The following RP1L1 variants were observed in gnomAD, a reference collection of about 807,000 sequenced individuals.
The protein encoded by RP1L1 is RP1 like 1.
A neutral mutation model predicts 15.7 loss-of-function variants in RP1L1; 27 were observed. The observed-to-expected ratio is 1.72, with a 90% CI of 1.27 to 2.38. The LOEUF is 2.38. RP1L1 is among the 30% of genes most tolerant of loss of function. The pLI is 0.00. For missense variants in RP1L1, 4,798 were observed against 3,075.9 expected, an observed-to-expected ratio of 1.56 and a Z score of -13.24; for synonymous variants, 1,813 against 1,276.7, an observed-to-expected ratio of 1.42 and a Z score of -8.96.
Position 10,623,534 on chromosome 8 carries a change from A to ATG in RP1L1, c.-19-315_-19-314insCA, listed in dbSNP as rs373741508. Among the ~76,000 whole-genome samples, 331 of 150,764 alleles carry ATG rather than the reference A, an allele frequency of 2.2e-3. 4 individuals are homozygous for ATG. In the East Asian group the frequency reaches 0.03, roughly 14 times the overall value. On this transcript the variant is annotated intron_variant, in intron 1 of 3. Transcript: ENST00000382483. Reference sequence around the variant, plus strand: ...AGAACCACCATGAAACCAGGACCACAATGTCCCCAGCACAACCATGTCCCC... The same window carrying ATG: ...AGAACCACCATGAAACCAGGACCACATGATGTCCCCAGCACAACCATGTCCCC...
At chr8:10,637,180 G>A (rs938828328) in intron 1 of RP1L1, among the ~76,000 whole-genome samples, 5 of 152,184 alleles carry the variant, frequency 3.3e-5, no homozygotes, top group African/African-American at 4.8e-5. Context: ...CAAACTCAAT[G>A]CTCACAGCAA....
intron 3 of RP1L1, among the ~76,000 whole-genome samples, chr8:10,615,804 G>A (rs1797955659): frequency 6.6e-6 from 1 of 152,138 alleles, no homozygotes; most frequent in South Asian, 2.1e-4. Flanking sequence ...GGCCTCCCAA[G>A]TTGCTAGGAA....
At chr8:10,617,164 C>A (rs1160825688) in intron 2 of RP1L1, among the ~76,000 whole-genome samples, 1 of 152,056 alleles carries the variant, frequency 6.6e-6, no homozygotes, top group South Asian at 2.1e-4. Flanking sequence ...CCTCCCCAGA[C>A]CCATCAGAAT....
intron 2 of RP1L1, 135 bp from the exon 3 acceptor site, chr8:10,616,722 A>G: frequency 9.6e-7 from 1 of 1,044,350 alleles, no homozygotes; most frequent in Non-Finnish European, 1.3e-6. Context: ...TCCTGGTCCA[A>G]GGAGGGGTCT....
In RP1L1 at chr8:10,611,279, G is replaced by T; in HGVS notation, c.2819C>A (p.Ala940Asp). 6.2e-7 allele frequency: 1 copy of T among 1,612,910 alleles called. No homozygotes were observed. Among genetic ancestry groups the T allele is most frequent in the Non-Finnish European group, 8.5e-7 (1 of 1,180,002 alleles). Residue 940 changes from alanine (A) to aspartate (D), a missense_variant, in exon 4 of 4, where the codon GCC becomes GAC. Physicochemically the swap from Ala to Asp is moderately radical, Grantham distance 126 (BLOSUM62 -2). Transcript: ENST00000382483. ...CAGAGAGCTGGGTGACACACCACTG[G>T]CCTCCTCCTGCCCCTGGGGGCCTCC... Reference protein sequence around the residue: ...SGGGPQGQEEASGVSPSSLPR... With the variant: ...SGGGPQGQEEDSGVSPSSLPR...
intron 1 of RP1L1, among the ~76,000 whole-genome samples, chr8:10,631,386 TGCACACACACGCACACACACGCACACAC>T (rs1798248375): frequency 2.8e-5 from 2 of 71,244 alleles, no homozygotes; most frequent in African/African-American, 5.7e-5. Flanking sequence ...CAAACACACA[TGCACACACACGCACACACACGCACACAC>T]GCACACACAC....
chr8:10,610,277 T>C lies in RP1L1; in HGVS notation c.3821A>G (p.Asp1274Gly). ...CTCCTCACTGTCTCTTTCTGCTTCA[T>C]CCTCATTGGTGGCACAAGCGCAGGC... ...ARACACATNEDEAERDSEEQR... is the reference protein window; with the variant it reads ...ARACACATNEGEAERDSEEQR... The change falls in exon 4 of 4, where the codon GAT becomes GGT. Residue 1274 changes from aspartate (D) to glycine (G), a missense_variant. Asp to Gly is a moderately conservative substitution (Grantham distance 94, BLOSUM62 -1). Coordinates refer to ENST00000382483, the MANE Select transcript of RP1L1 (RefSeq NM_178857.6). The C allele has an allele frequency of 1.9e-6, 3 of 1,614,224 alleles. No individual in the cohort carries two copies. Among genetic ancestry groups the C allele is most frequent in the Non-Finnish European group, 2.5e-6 (3 of 1,180,044 alleles).
chr8:10,644,515 T>G (rs1255320951), intron 1 of RP1L1, among the ~76,000 whole-genome samples: 1 of 152,228 alleles, frequency 6.6e-6, no homozygotes, highest in East Asian at 1.9e-4. Flanking sequence ...TGGCTGAGAA[T>G]TGATGCCATC....
At chr8:10,649,474 A>C (rs1241246023) in intron 1 of RP1L1, among the ~76,000 whole-genome samples, 5 of 152,192 alleles carry the variant, frequency 3.3e-5, no homozygotes, top group Non-Finnish European at 5.9e-5. Context: ...ACTCTGACCC[A>C]GTAGACCACA....
chr8:10,622,644 T>C lies in RP1L1; in HGVS notation c.558A>G (p.Ser186=), dbSNP rs754298321. The C allele has an allele frequency of 4.3e-6, 7 of 1,614,248 alleles. No homozygotes were observed. Among genetic ancestry groups the C allele is most frequent in the African/African-American group, 1.3e-5 (1 of 75,072 alleles). ...RNLAAFLGKA[S]DLLRFPVKQL... is the part of the protein sequence containing the mutation. ...GCTTCACAGGAAAGCGCAGGAGATCTGAGGCTTTGCCGAGAAAGGCGGCCA... is the reference window on the plus strand; with the variant it reads ...GCTTCACAGGAAAGCGCAGGAGATCCGAGGCTTTGCCGAGAAAGGCGGCCA... The change falls in exon 2 of 4, where the codon TCA becomes TCG. Residue 186 remains serine (S), a synonymous_variant. Transcript: ENST00000382483.
chr8:10,653,204 T>C (rs536702838), intron 1 of RP1L1, among the ~76,000 whole-genome samples: 16 of 152,100 alleles, frequency 1.1e-4, no homozygotes, highest in Non-Finnish European at 1.9e-4. Context: ...GATTAAAGGA[T>C]TGGAAAATGC....
chr8:10,624,988 C>G (rs1207736498), intron 1 of RP1L1, among the ~76,000 whole-genome samples: 1 of 152,188 alleles, frequency 6.6e-6, no homozygotes. Flanking sequence ...GGAGCCGAGG[C>G]TCCTGTCAGA....
At chr8:10,622,224 A>G (rs1345011055) in intron 2 of RP1L1, among the ~76,000 whole-genome samples, 1 of 151,968 alleles carries the variant, frequency 6.6e-6, no homozygotes, top group Admixed American at 6.6e-5. Context: ...AGAGGCTGAG[A>G]CAGGAGAATC....
intron 1 of RP1L1, among the ~76,000 whole-genome samples, chr8:10,631,723 T>C (rs1798255492): frequency 6.6e-6 from 1 of 152,114 alleles, no homozygotes. Context: ...TCTCTGCCAG[T>C]GCCGCCCGAG....
intron 1 of RP1L1, among the ~76,000 whole-genome samples, chr8:10,644,982 T>C (rs1373174799): frequency 2.0e-5 from 3 of 152,232 alleles, no homozygotes; most frequent in Non-Finnish European, 2.9e-5. Context: ...CCATTTATTT[T>C]AACATTGTTT....
intron 2 of RP1L1, among the ~76,000 whole-genome samples, chr8:10,616,836 G>A (rs1363558044): frequency 6.6e-6 from 1 of 152,144 alleles, no homozygotes; most frequent in Non-Finnish European, 1.5e-5. Flanking sequence ...CGTGAGGCCC[G>A]TGATCAAAGG....
Position 10,608,375 on chromosome 8 carries a change from G to A in RP1L1, c.5723C>T (p.Ala1908Val), listed in dbSNP as rs1030805223. ...EVQPESEGAE[A>V]PEAEKEAQPE... ...CTGGGCCTCCTTTTCTGCCTCCGGG[G>A]CTTCTGCACCTTCTGACTCTGGCTG... The change falls in exon 4 of 4, where the codon GCC becomes GTC. Residue 1908 changes from alanine (A) to valine (V), a missense_variant. Ala to Val is a moderately conservative substitution (Grantham distance 64). Coordinates refer to ENST00000382483, the MANE Select transcript of RP1L1 (RefSeq NM_178857.6). 1 of 1,613,280 alleles carries A rather than the reference G, an allele frequency of 6.2e-7. No individual in the cohort carries two copies. The highest frequency in any genetic ancestry group is 1.3e-5 in the African/African-American group (1 of 74,696).
chr8:10,614,674 A>G (rs893921976), intron 3 of RP1L1, among the ~76,000 whole-genome samples: 6 of 151,298 alleles, frequency 4.0e-5, no homozygotes, highest in Non-Finnish European at 7.4e-5. Context: ...AAAAAAAAAA[A>G]AAAAAGAAAA....
Position 10,650,500 on chromosome 8 carries a change from C to T in RP1L1, c.-20+4398G>A, listed in dbSNP as rs141287152. Among the ~76,000 whole-genome samples, 85 of 151,554 alleles carry T rather than the reference C, an allele frequency of 5.6e-4. No homozygotes were observed. In the East Asian group the frequency reaches 0.014, roughly 25 times the overall value. On this transcript the variant is annotated intron_variant, in intron 1 of 3. Coordinates refer to ENST00000382483, the MANE Select transcript of RP1L1 (RefSeq NM_178857.6). Reference sequence around the variant, plus strand: ...GGTACACTGGCCATCCTGTCACATTCGGGATGCAGAAACTGAGGCTCAGGG... The same window carrying T: ...GGTACACTGGCCATCCTGTCACATTTGGGATGCAGAAACTGAGGCTCAGGG...
Sources: allele counts gnomAD v4.1 joint callset (sites outside exome capture counted in the v4.1 genomes callset), GRCh38; gene constraint gnomAD v4.1.1; transcripts MANE v1.5; gene names NCBI Gene and HGNC (gene_info 2026-07-23, HGNC 2026-07-21).